DOP1B: variants seen among roughly 807,000 people sequenced by gnomAD.
DOP1B encodes the protein DOP1 leucine zipper like protein B, also known as protein DOP1B.
In DOP1B, 174 loss-of-function variants were observed where a neutral mutation model predicts 233.5. The ratio of observed to expected loss-of-function variants is 0.75; its 90% CI spans 0.66 to 0.85. The LOEUF (loss-of-function observed/expected upper bound fraction) is 0.85, where lower values mean the gene tolerates loss of function less well. DOP1B is among the 40% of genes least tolerant of loss of function. The probability of loss-of-function intolerance (pLI) is 0.00; values close to 1 mark genes in which losing one functional copy is unlikely to be tolerated. For synonymous variants in DOP1B, 1,190 were observed against 1,185.6 expected (o/e 1.00, Z -0.08); for missense variants, 2,652 against 2,846.6 (o/e 0.93, Z 1.56).
chr21:36,179,244 A>G (rs2066066996), intron 2 of DOP1B, among the ~76,000 whole-genome samples: 1 of 152,146 alleles, frequency 6.6e-6, no homozygotes, highest in African/African-American at 2.4e-5. Flanking sequence ...TCCAGTAGGT[A>G]TATGTTTAAT....
At chr21:36,269,741 T>G (rs1472854134) in intron 26 of DOP1B, among the ~76,000 whole-genome samples, 1 of 151,910 alleles carries the variant, frequency 6.6e-6, no homozygotes. Context: ...CAGGATGGTC[T>G]CAAACTCCTG....
chr21:36,243,184 T>C (rs530839927), intron 18 of DOP1B, among the ~76,000 whole-genome samples: 1 of 152,186 alleles, frequency 6.6e-6, no homozygotes, highest in East Asian at 1.9e-4. Context: ...TTCGCCATGT[T>C]GGCCAGACTG....
chr21:36,200,562 G>T, intron 4 of DOP1B, 61 bp downstream of exon 4: 2 of 1,518,884 alleles, frequency 1.3e-6, no homozygotes, highest in South Asian at 1.3e-5. Context: ...GCGGGGAGGG[G>T]GCCGGGCGCA....
At position 36,227,944 on chromosome 21, in the gene DOP1B, A is replaced by G. The variant is rs1209534254; in HGVS notation, c.1665+67A>G. 31 of 1,427,958 alleles carry G rather than the reference A, an allele frequency of 2.2e-5. 1 individual carries two copies. The highest frequency in any genetic ancestry group is 5.1e-5 in the Admixed American group (2 of 39,048). The allele number at this position is 1,427,958 out of a possible 1,614,324, so 88.5% of individuals were successfully genotyped here. A position where few individuals can be genotyped will look rare whatever the true frequency, so the allele number is the denominator to read the frequency against. ...GCAGCTTATGCCTTCCTGGGAGTAG[A>G]AAGTCTTTAGGGTTGGTTAGGATAG... On this transcript the variant is annotated intron_variant, in intron 13 of 36. Transcript: ENST00000691173.
chr21:36,211,475 T>C (rs1360281720), intron 5 of DOP1B, 78 bp from the exon 6 acceptor site: 1 of 1,341,852 alleles, frequency 7.5e-7, no homozygotes, highest in Non-Finnish European at 1.1e-6. Context: ...AGTTTCAAGA[T>C]TCCCGGGAAA....
rs558651043 is a variant in DOP1B, at chr21:36,222,206, C to T, written c.1251-1025C>T. 1.1e-3 allele frequency among the ~76,000 whole-genome samples: 165 copies of T among 152,120 alleles called. 2 individuals are homozygous for T. Among genetic ancestry groups the T allele is most frequent in the East Asian group, 9.7e-4 (5 of 5,164 alleles). On this transcript the variant is annotated intron_variant, in intron 10 of 36. Transcript: ENST00000691173. ...ATTTTTTAATGGCCATTTAGTGGTA[C>T]ACTTCTGCACACATCTATGTAGCTG...
chr21:36,245,678 A>G lies in DOP1B; in HGVS notation c.3698A>G (p.Gln1233Arg), dbSNP rs781480306. 5 of 1,613,450 alleles carry G rather than the reference A, an allele frequency of 3.1e-6. No homozygotes were observed. The African/African-American group carries it at 6.7e-5, about 22-fold the overall frequency. The change falls in exon 19 of 37, where the codon CAG (glutamine) becomes CGG (arginine). Residue 1233 changes from glutamine (Q) to arginine (R), a missense_variant. By Grantham distance (43) the Gln-to-Arg change is conservative (BLOSUM62 1). Around this residue, in one of 3 missense-constraint regions of DOP1B, gnomAD observed 2,617 missense variants for 2,794.3 expected, o/e 0.94. Transcript: ENST00000691173. This position sits in a 1 kb window ranked among gnomAD's most constrained non-coding sequence, Gnocchi z 5.5. ...TTCAAGCACATCCTGCTCTACCTGC[A>G]GCCCTACGACTCTCGGCGGGTCCTC... ...ALFKHILLYL[Q>R]PYDSRRVLYA...
At chr21:36,221,329 C>T (rs1569030005) in intron 10 of DOP1B, among the ~76,000 whole-genome samples, 1 of 151,026 alleles carries the variant, frequency 6.6e-6, no homozygotes, top group Non-Finnish European at 1.5e-5. Context: ...CTGGTCTCTA[C>T]AAAAAAAATA....
intron 23 of DOP1B, among the ~76,000 whole-genome samples, chr21:36,258,565 C>T (rs1166966959): frequency 6.6e-6 from 1 of 152,148 alleles, no homozygotes; most frequent in Non-Finnish European, 1.5e-5. Context: ...TTTTTTCAGC[C>T]TCACATATGA....
chr21:36,228,537 C>A (rs149171652), intron 13 of DOP1B, among the ~76,000 whole-genome samples: 2 of 151,898 alleles, frequency 1.3e-5, no homozygotes, highest in Admixed American at 6.6e-5. Flanking sequence ...GAGGCCGAGG[C>A]GGGCAGATCA....
chr21:36,247,426 C>T (rs1023367), intron 19 of DOP1B, 91 bp from the exon 20 acceptor site: 396,404 of 747,560 alleles, frequency 0.53, 106,791 homozygotes, highest in African/African-American at 0.71. Context: ...GTGATCTCTC[C>T]CTAGTTCCTG....
At chr21:36,249,184 T>C (rs767933715) in intron 21 of DOP1B, among the ~76,000 whole-genome samples, 2 of 151,926 alleles carry the variant, frequency 1.3e-5, no homozygotes, top group Non-Finnish European at 2.9e-5. Context: ...CCCAGCACTT[T>C]GGGAGGCCAA....
At chr21:36,176,097 C>CTTGTGTGTGTGTGTGTGTGTGTGTGT in intron 2 of DOP1B, among the ~76,000 whole-genome samples, 1 of 141,846 alleles carries the variant, frequency 7.0e-6, no homozygotes, top group Admixed American at 7.0e-5. Context: ...GGTGTGTGTG[C>CTTGTGTGTGTGTGTGTGTGTGTGTGT]GTGTGTGTGT....
chr21:36,276,530 CAAAAAT>C (rs1411436814), intron 27 of DOP1B, among the ~76,000 whole-genome samples: 12 of 151,618 alleles, frequency 7.9e-5, no homozygotes, highest in African/African-American at 2.9e-4. Context: ...GATCCTGTCT[CAAAAAT>C]AAAAATAAAA....
At position 36,244,210 on chromosome 21, in the gene DOP1B, T is replaced by A. The variant is rs530142971; in HGVS notation, c.3068-838T>A. ...AGCTAATTTTTGTATTTTTAGTAGATGGAGTTTCTCCATGTTGGCCAGGCT... is the reference window on the plus strand; with the variant it reads ...AGCTAATTTTTGTATTTTTAGTAGAAGGAGTTTCTCCATGTTGGCCAGGCT... On this transcript the variant is annotated intron_variant, in intron 18 of 36. Coordinates refer to ENST00000691173, the MANE Select transcript of DOP1B (RefSeq NM_001320714.2). Among the ~76,000 whole-genome samples the A allele has an allele frequency of 8.6e-5, 13 of 151,506 alleles. No individual in the cohort carries two copies. The East Asian group carries it at 2.5e-3, about 30-fold the overall frequency.
intron 2 of DOP1B, among the ~76,000 whole-genome samples, chr21:36,183,687 G>A (rs548947909): frequency 6.6e-6 from 1 of 152,186 alleles, no homozygotes; most frequent in East Asian, 1.9e-4. Context: ...GGAGGGGGTC[G>A]TGTGCTTCCA....
intron 35 of DOP1B, among the ~76,000 whole-genome samples, chr21:36,291,753 G>A (rs1036463299): frequency 3.3e-5 from 5 of 152,086 alleles, no homozygotes; most frequent in Admixed American, 1.3e-4. Flanking sequence ...TGGATGAACC[G>A]GAAAATATGA....
chr21:36,193,152 C>T (rs2066252304), intron 2 of DOP1B, among the ~76,000 whole-genome samples: 1 of 152,188 alleles, frequency 6.6e-6, no homozygotes, highest in Non-Finnish European at 1.5e-5. Flanking sequence ...ATCTTTTCCT[C>T]ATCCATTGCG....
intron 4 of DOP1B, 109 bp downstream of exon 4, chr21:36,200,610 A>G (rs999482853): frequency 1.6e-5 from 21 of 1,333,938 alleles, no homozygotes; most frequent in Non-Finnish European, 1.8e-5. Flanking sequence ...TTGGAAGGCC[A>G]AGGTGGGTGG....
Sources: allele counts gnomAD v4.1 joint callset (sites outside exome capture counted in the v4.1 genomes callset), GRCh38; gene constraint gnomAD v4.1.1; regional missense constraint gnomAD v4.1.1; non-coding constraint Gnocchi (gnomAD v3.1); transcripts MANE v1.5; gene names NCBI Gene and HGNC (gene_info 2026-07-23, HGNC 2026-07-21).